GAS7: variants seen among roughly 807,000 people sequenced by gnomAD.
The protein encoded by GAS7 is growth arrest-specific protein 7.
GAS7 carries 28 observed loss-of-function variants against 71.1 expected under a neutral mutation model. That is an observed-to-expected ratio of 0.39 (90% CI 0.29 to 0.54). The LOEUF is 0.54. Among genes scored for constraint, GAS7 ranks in the 20% least tolerant of loss-of-function variants. The probability of loss-of-function intolerance (pLI) is 0.62; values close to 1 mark genes in which losing one functional copy is unlikely to be tolerated. For synonymous variants in GAS7, 258 were observed against 245.8 expected (o/e 1.05, Z -0.46); for missense variants, 436 against 627.8 (o/e 0.69, Z 3.27).
intron 5 of GAS7, among the ~76,000 whole-genome samples, chr17:9,955,713 A>T (rs1201638009): frequency 6.6e-6 from 1 of 152,092 alleles, no homozygotes; most frequent in Non-Finnish European, 1.5e-5. Context: ...CTCAAAAAGG[A>T]AGGGTGCTCA....
chr17:9,987,808 T>TC (rs902319658), intron 2 of GAS7, among the ~76,000 whole-genome samples: 175 of 152,366 alleles, frequency 1.1e-3, no homozygotes, highest in African/African-American at 4.0e-3. Flanking sequence ...GGGCTTCATT[T>TC]CCCCTTGTTA....
intron 1 of GAS7, among the ~76,000 whole-genome samples, chr17:10,049,188 G>A (rs765293931): frequency 3.9e-5 from 6 of 152,204 alleles, no homozygotes; most frequent in Non-Finnish European, 7.3e-5. Context: ...ACTGTGCTAT[G>A]TAAGGCACCA....
chr17:10,095,003 A>C (rs1448653412), intron 1 of GAS7, among the ~76,000 whole-genome samples: 3 of 152,102 alleles, frequency 2.0e-5, no homozygotes, highest in Non-Finnish European at 4.4e-5. Flanking sequence ...CCAGATCGCC[A>C]CATGCAATCT....
chr17:10,056,964 A>AT (rs547145651), intron 1 of GAS7, among the ~76,000 whole-genome samples: 3,839 of 146,088 alleles, frequency 0.026, 59 homozygotes, highest in Middle Eastern at 0.04. Flanking sequence ...TGGTTTTCAT[A>AT]TTTTTTTTTT....
chr17:10,125,432 G>A (rs906243263), intron 1 of GAS7, among the ~76,000 whole-genome samples: 8 of 150,554 alleles, frequency 5.3e-5, no homozygotes, highest in Admixed American at 4.0e-4. Context: ...CAGGAGAATC[G>A]CTTGAACATG....
chr17:9,977,542 T>C (rs1350111396), intron 3 of GAS7, among the ~76,000 whole-genome samples: 1 of 152,210 alleles, frequency 6.6e-6, no homozygotes, highest in Non-Finnish European at 1.5e-5. Context: ...AGGTGTTCTG[T>C]TTTGGTTTAA....
intron 6 of GAS7, 101 bp downstream of exon 6, chr17:9,946,791 GAA>G: frequency 1.5e-6 from 1 of 687,740 alleles, no homozygotes; most frequent in South Asian, 1.7e-5. Flanking sequence ...GCTCCAACGA[GAA>G]AGGCCCCTCC....
intron 1 of GAS7, 139 bp from the exon 2 acceptor site, chr17:10,020,036 G>C (rs1229618974): frequency 1.3e-6 from 1 of 771,098 alleles, no homozygotes; most frequent in Non-Finnish European, 2.1e-6. Context: ...CCTGAGGTCA[G>C]AGGCAGCACA....
chr17:9,994,075 G>A (rs1295095253), intron 2 of GAS7, among the ~76,000 whole-genome samples: 5 of 145,014 alleles, frequency 3.4e-5, no homozygotes, highest in African/African-American at 1.0e-4. Flanking sequence ...TGGGTAGGAA[G>A]AATCAATATC....
chr17:10,016,763 TAA>T (rs2072038978), intron 2 of GAS7, among the ~76,000 whole-genome samples: 1 of 67,556 alleles, frequency 1.5e-5, no homozygotes. Context: ...ATAATAATAA[TAA>T]TAATAATAAT....
chr17:10,049,619 T>TG (rs2073033949), intron 1 of GAS7, among the ~76,000 whole-genome samples: 1 of 127,274 alleles, frequency 7.9e-6, no homozygotes, highest in Admixed American at 7.7e-5. Context: ...CTTTTTTTTT[T>TG]TTTTTTTTTT....
At chr17:10,075,489 A>G (rs1341423982) in intron 1 of GAS7, among the ~76,000 whole-genome samples, 1 of 152,182 alleles carries the variant, frequency 6.6e-6, no homozygotes, top group Non-Finnish European at 1.5e-5. Context: ...TGAATATATT[A>G]TAACACAGTG....
At chr17:10,110,611 A>G (rs1232735161) in intron 1 of GAS7, among the ~76,000 whole-genome samples, 1 of 152,156 alleles carries the variant, frequency 6.6e-6, no homozygotes, top group Non-Finnish European at 1.5e-5. Context: ...AGTTGGGACT[A>G]CAGGTGCATG....
intron 1 of GAS7, among the ~76,000 whole-genome samples, chr17:10,062,598 T>C (rs575246024): frequency 6.6e-6 from 1 of 152,308 alleles, no homozygotes; most frequent in Admixed American, 6.5e-5. Context: ...TTTAAAAACA[T>C]AAAACACATC....
intron 1 of GAS7, among the ~76,000 whole-genome samples, chr17:10,166,069 C>CTT (rs2074292139): frequency 6.6e-6 from 1 of 150,950 alleles, no homozygotes. Flanking sequence ...GTCATCCAGG[C>CTT]TGAAGGGCAG....
At chr17:10,159,097 T>TATATATATATATATATATATATATATA (rs2074230873) in intron 1 of GAS7, among the ~76,000 whole-genome samples, 2 of 111,760 alleles carry the variant, frequency 1.8e-5, no homozygotes, top group Non-Finnish European at 3.6e-5. Flanking sequence ...TATATATATA[T>TATATATATATATATATATATATATATA]TAAAGATAAC....
chr17:10,057,958 G>T, intron 1 of GAS7, among the ~76,000 whole-genome samples: 1 of 152,176 alleles, frequency 6.6e-6, no homozygotes, highest in African/African-American at 2.4e-5. Context: ...CCCCAACCCC[G>T]TGCTCTCTGA....
At chr17:9,976,170 C>G (rs1397864869) in intron 3 of GAS7, among the ~76,000 whole-genome samples, 3 of 152,372 alleles carry the variant, frequency 2.0e-5, no homozygotes, top group South Asian at 4.1e-4. Context: ...TTCCCAAAGA[C>G]AGACTGATAA....
At chr17:10,018,012 C>T (rs1468730557) in intron 2 of GAS7, among the ~76,000 whole-genome samples, 2 of 152,160 alleles carry the variant, frequency 1.3e-5, no homozygotes, top group African/African-American at 4.8e-5. Context: ...AAATTAATAG[C>T]ATACCCATGC....
Sources: gnomAD v4.1 joint callset for allele counts (sites outside exome capture counted in the v4.1 genomes callset) on GRCh38, gnomAD v4.1.1 for gene constraint, MANE v1.5 for transcripts, NCBI Gene and HGNC (gene_info 2026-07-23, HGNC 2026-07-21) for gene names.